Variants in EEF1A2 observed in about 807,000 individuals in gnomAD.
The protein encoded by EEF1A2 is eukaryotic translation elongation factor 1 alpha 2, also known as elongation factor 1-alpha 2.
Under a neutral mutation model 39.3 loss-of-function variants are expected in EEF1A2, and 5 were observed. The ratio of observed to expected loss-of-function variants is 0.13; its 90% CI spans 0.07 to 0.27. The LOEUF is 0.27. Ranked by LOEUF, EEF1A2 falls within the 10% of genes least tolerant of loss-of-function variation. The pLI, the probability that EEF1A2 is intolerant of heterozygous loss-of-function variation, is 1.00. For synonymous variants in EEF1A2, 287 were observed against 293.7 expected, an observed-to-expected ratio of 0.98 and a Z score of 0.23; for missense variants, 218 against 681.4, an observed-to-expected ratio of 0.32 and a Z score of 7.57.
Position 63,494,892 on chromosome 20 carries a change from G to A in EEF1A2, c.534C>T (p.Ile178=). ...TGGCCGGGTTGTAGCCGATCTTCTT[G>A]ATGTAGGCGCTGACTTCCTTGACGA... ...DEIVKEVSAY[I]KKIGYNPATV... is the part of the protein sequence containing the mutation. The change falls in exon 4 of 8, where the codon ATC becomes ATT. Residue 178 remains isoleucine (I), a synonymous_variant. Coordinates refer to ENST00000217182, the MANE Select transcript of EEF1A2 (RefSeq NM_001958.5). The A allele has an allele frequency of 6.2e-7, 1 of 1,612,790 alleles. No individual in the cohort carries two copies. The highest frequency in any genetic ancestry group is 8.5e-7 in the Non-Finnish European group (1 of 1,179,972).
At chr20:63,492,355 T>TGGATAGAGAGAAGGATGGATGGGTGGGG (rs2082388877) in intron 5 of EEF1A2, among the ~76,000 whole-genome samples, 1 of 139,886 alleles carries the variant, frequency 7.1e-6, no homozygotes, top group African/African-American at 2.7e-5. Flanking sequence ...GGTGGGTCAA[T>TGGATAGAGAGAAGGATGGATGGGTGGGG]AGATGGATGG....
chr20:63,494,798 C>T lies in EEF1A2; in HGVS notation c.621+7G>A. 1.2e-6 allele frequency: 2 copies of T among 1,606,362 alleles called. No homozygotes were observed. The highest frequency in any genetic ancestry group is 1.7e-6 in the Non-Finnish European group (2 of 1,175,966). On this transcript the variant is annotated splice_region_variant and intron_variant, in intron 4 of 7. Coordinates refer to ENST00000217182, the MANE Select transcript of EEF1A2 (RefSeq NM_001958.5). Reference sequence around the variant, plus strand: ...CCGTGGCCCGCCCCGCCCTAGCCGCCACTCACGTTGGGGGAGGGCTCCAGC... The same window carrying T: ...CCGTGGCCCGCCCCGCCCTAGCCGCTACTCACGTTGGGGGAGGGCTCCAGC...
At chr20:63,494,463 C>A (rs1202783188) in intron 4 of EEF1A2, among the ~76,000 whole-genome samples, 1 of 152,260 alleles carries the variant, frequency 6.6e-6, no homozygotes, top group Non-Finnish European at 1.5e-5. Context: ...GGACAATGGC[C>A]TGGCAGAGAT....
At chr20:63,494,016 C>T (rs1207939656) in intron 4 of EEF1A2, among the ~76,000 whole-genome samples, 2 of 152,234 alleles carry the variant, frequency 1.3e-5, no homozygotes, top group African/African-American at 2.4e-5. Flanking sequence ...CACCGAGCCT[C>T]GTGAGATGGA....
At chr20:63,488,768 G>A (rs577581314) in intron 7 of EEF1A2, 150 bp downstream of exon 7, 39 of 880,994 alleles carry the variant, frequency 4.4e-5, no homozygotes, top group Admixed American at 8.1e-5. Context: ...GTGACACGGA[G>A]GCCGTGGCTC....
intron 7 of EEF1A2, 33 bp downstream of exon 7, chr20:63,488,885 G>A (rs747452495): frequency 1.1e-5 from 18 of 1,601,198 alleles, no homozygotes; most frequent in East Asian, 8.9e-5. Flanking sequence ...CCACAGCCTG[G>A]GGGCTGCACC....
chr20:63,488,494 C>T, intron 7 of EEF1A2, 69 bp from the exon 8 acceptor site: 1 of 1,321,558 alleles, frequency 7.6e-7, no homozygotes, highest in South Asian at 1.8e-5. Context: ...AGGGCTCTGG[C>T]CGGGCGGGGG....
rs148888801 is a variant in EEF1A2 at position 63,498,055 on chromosome 20, C to G, written c.-71-221G>C. ...CACACTTGAGCCCAAACAGCCCCAT[C>G]TGCTGTAAATAACTGGGCGTTGGAG... is the stretch of plus-strand genomic sequence containing the variant. On this transcript the variant is annotated intron_variant, in intron 1 of 7. Transcript: ENST00000217182. The surrounding 1 kb of genome is among the most constrained non-coding windows in gnomAD (Gnocchi z 4.1). 290 of 331,960 alleles carry G rather than the reference C, an allele frequency of 8.7e-4. No individual in the cohort carries two copies. The highest frequency in any genetic ancestry group is 4.9e-3 in the African/African-American group (233 of 47,370). The allele number at this position is 331,960 out of a possible 1,614,324, so 20.6% of individuals were successfully genotyped here.
chr20:63,488,472 C>G (rs1003923537), intron 7 of EEF1A2, 47 bp from the exon 8 acceptor site: 134 of 1,361,026 alleles, frequency 9.8e-5, no homozygotes, highest in Non-Finnish European at 1.2e-4. Context: ...GGACTTGACC[C>G]CCCCCAACCC....
At position 63,496,040 on chromosome 20, in the gene EEF1A2, A is replaced by AGCGGGTGAGGGTC. The variant is rs2082414919; in HGVS notation, c.145-18_145-6dup. The AGCGGGTGAGGGTC allele has an allele frequency of 6.2e-7, 1 of 1,612,326 alleles. No homozygotes were observed. Among genetic ancestry groups the AGCGGGTGAGGGTC allele is most frequent in the Non-Finnish European group, 8.5e-7 (1 of 1,179,870 alleles). ...CTTGAAGGATCCCTTCCCCATCTGG[A>AGCGGGTGAGGGTC]GCGGGTGAGGGTCACGGCTGAGGGC... On this transcript the variant is annotated splice_region_variant and splice_polypyrimidine_tract_variant and intron_variant, in intron 2 of 7. Transcript: ENST00000217182.
chr20:63,497,626 C>A lies in EEF1A2; in HGVS notation c.138G>T (p.Ala46=). 5.0e-6 allele frequency: 8 copies of A among 1,612,210 alleles called. No homozygotes were observed. The highest frequency in any genetic ancestry group is 6.8e-6 in the Non-Finnish European group (8 of 1,179,360). ...CATAGCCTGGGGAGCTCACCTCAGC[C>A]GCCTCCTTCTCGAACTTCTCAATGG... ...KRTIEKFEKE[A]AEMGKGSFKY... The change falls in exon 2 of 8, where the codon GCG becomes GCT. Residue 46 remains alanine, a synonymous_variant. Coordinates refer to ENST00000217182, the MANE Select transcript of EEF1A2 (RefSeq NM_001958.5). This position sits in a 1 kb window ranked among gnomAD's most constrained non-coding sequence, Gnocchi z 7.3.
chr20:63,490,349 A>G lies in EEF1A2; in HGVS notation c.1029+130T>C, dbSNP rs310607. The G allele has an allele frequency of 1, 1,223,406 of 1,225,154 alleles. 610,831 individuals carry two copies. Among genetic ancestry groups the G allele is most frequent in the Middle Eastern group, 1 (5,116 of 5,116 alleles). 75.9% of individuals were successfully genotyped at this position (1,225,154 alleles called of 1,614,324 possible). A position where few individuals can be genotyped will look rare whatever the true frequency, so the allele number is the denominator to read the frequency against. ...CAAAGTGCTGGGATTACAGGCGTGA[A>G]CCACTGCGCCCAGCCTGAGGGTCTG... On this transcript the variant is annotated intron_variant, in intron 6 of 7. Coordinates refer to ENST00000217182, the MANE Select transcript of EEF1A2 (RefSeq NM_001958.5).
In EEF1A2 at chr20:63,497,578, G is replaced by A; in HGVS notation, c.144+42C>T. 1 of 1,586,574 alleles carries A rather than the reference G, an allele frequency of 6.3e-7. No individual in the cohort carries two copies. Among genetic ancestry groups the A allele is most frequent in the Non-Finnish European group, 8.6e-7 (1 of 1,164,108 alleles). On this transcript the variant is annotated intron_variant, in intron 2 of 7. Coordinates refer to ENST00000217182, the MANE Select transcript of EEF1A2 (RefSeq NM_001958.5). The surrounding 1 kb of genome is among the most constrained non-coding windows in gnomAD (Gnocchi z 7.3). ...AGCCTGGCCACCACGGGAGTTGGGGGTTCCTTCTCAGGGGGCCAAGACCAT... is the reference window on the plus strand; with the variant it reads ...AGCCTGGCCACCACGGGAGTTGGGGATTCCTTCTCAGGGGGCCAAGACCAT...
At chr20:63,496,315 G>T in intron 2 of EEF1A2, 1 of 487,440 alleles carries the variant, frequency 2.1e-6, no homozygotes, top group Admixed American at 3.5e-5. Flanking sequence ...CTCGCTCTAC[G>T]AGCGAAGCCG....
In EEF1A2 at chr20:63,490,470, G is replaced by A. The variant is rs2082373589; in HGVS notation, c.1029+9C>T. ...GCGCCAGCCCCCTGGACCCAGCGCA[G>A]CCCCCCACCTGGGAGGTGAACTGAG... On this transcript the variant is annotated intron_variant, in intron 6 of 7. Coordinates refer to ENST00000217182, the MANE Select transcript of EEF1A2 (RefSeq NM_001958.5). The A allele has an allele frequency of 6.2e-7, 1 of 1,604,820 alleles. No homozygotes were observed. Among genetic ancestry groups the A allele is most frequent in the African/African-American group, 1.3e-5 (1 of 74,788 alleles).
chr20:63,497,847 T>C lies in EEF1A2; in HGVS notation c.-71-13A>G. ...GGCTGCAGTGATTCTGTGGGGCCAGTGGTGGTGGGGAGACCGGTGATGGGG... is the reference window on the plus strand; with the variant it reads ...GGCTGCAGTGATTCTGTGGGGCCAGCGGTGGTGGGGAGACCGGTGATGGGG... On this transcript the variant is annotated splice_polypyrimidine_tract_variant and intron_variant, in intron 1 of 7. Transcript: ENST00000217182. The surrounding 1 kb of genome is among the most constrained non-coding windows in gnomAD (Gnocchi z 7.3). 1 of 1,540,536 alleles carries C rather than the reference T, an allele frequency of 6.5e-7. No homozygotes were observed. The highest frequency in any genetic ancestry group is 8.8e-7 in the Non-Finnish European group (1 of 1,139,602).
chr20:63,489,922 G>C (rs1431332732), intron 6 of EEF1A2, among the ~76,000 whole-genome samples: 1 of 152,198 alleles, frequency 6.6e-6, no homozygotes, highest in Non-Finnish European at 1.5e-5. Context: ...GACCTCAAAG[G>C]CTGGGCATCC....
chr20:63,491,953 G>GAT (rs1265810347), intron 5 of EEF1A2, among the ~76,000 whole-genome samples: 2 of 121,096 alleles, frequency 1.7e-5, no homozygotes, highest in African/African-American at 6.6e-5. Flanking sequence ...CGGACGGATG[G>GAT]GGAGGTGGAT....
intron 7 of EEF1A2, 78 bp downstream of exon 7, chr20:63,488,840 C>T: frequency 6.7e-7 from 1 of 1,486,482 alleles, no homozygotes. Flanking sequence ...CCCAGCGCCC[C>T]ATCCCCGCAG....
Sources: allele counts gnomAD v4.1 joint callset (sites outside exome capture counted in the v4.1 genomes callset), GRCh38; gene constraint gnomAD v4.1.1; non-coding constraint Gnocchi (gnomAD v3.1); transcripts MANE v1.5; gene names NCBI Gene and HGNC (gene_info 2026-07-23, HGNC 2026-07-21).